RAP1A: variants seen among roughly 807,000 people sequenced by gnomAD.
The protein encoded by RAP1A is ras-related protein Rap-1A.
RAP1A carries 6 observed loss-of-function variants against 26.4 expected under a neutral mutation model. The ratio of observed to expected loss-of-function variants is 0.23; its 90% CI spans 0.12 to 0.45. RAP1A has a LOEUF of 0.45. RAP1A is among the 20% of genes least tolerant of loss of function. The pLI is 0.99. For missense variants in RAP1A, 121 were observed against 217.2 expected, an observed-to-expected ratio of 0.56 and a Z score of 2.78; for synonymous variants, 73 against 79.4, an observed-to-expected ratio of 0.92 and a Z score of 0.43.
At chr1:111,601,316 G>T (rs1343200767) in intron 1 of RAP1A, among the ~76,000 whole-genome samples, 1 of 152,154 alleles carries the variant, frequency 6.6e-6, no homozygotes. Context: ...ATACCAGAGA[G>T]TGGTAACCCA....
Position 111,703,469 on chromosome 1 carries a change from C to T in RAP1A, c.317C>T (p.Thr106Met), listed in dbSNP as rs747060981. The stretch of plus-strand genomic sequence containing the variant: ...GAACAGATTTTACGGGTTAAGGACA[C>T]GGAAGATGTAAGTATTTTTTCTCTC... ...LREQILRVKD[T>M]EDVPMILVGN... The change falls in exon 5 of 8, where the codon ACG becomes ATG. Residue 106 changes from threonine to methionine, a missense_variant. Thr to Met is a moderately conservative substitution (Grantham distance 81, BLOSUM62 -1). Coordinates refer to ENST00000369709, the MANE Select transcript of RAP1A (RefSeq NM_002884.4). The T allele has an allele frequency of 1.2e-4, 194 of 1,583,540 alleles. No homozygotes were observed. Among genetic ancestry groups the T allele is most frequent in the Middle Eastern group, 1.7e-4 (1 of 5,934 alleles).
At chr1:111,641,824 C>T (rs1659899781) in intron 1 of RAP1A, among the ~76,000 whole-genome samples, 1 of 152,046 alleles carries the variant, frequency 6.6e-6, no homozygotes, top group Non-Finnish European at 1.5e-5. Context: ...ACTGGTAAGG[C>T]AATATAGTAT....
In RAP1A at chr1:111,597,411, A is replaced by G. The variant is rs558596636; in HGVS notation, c.-28+54902A>G. Among the ~76,000 whole-genome samples the G allele has an allele frequency of 3.7e-4, 56 of 152,274 alleles. 1 individual carries two copies. The South Asian group carries it at 9.1e-3, about 25-fold the overall frequency. ...TTAAGCAATTAATATTGTGCCCAAGAAATAAAAAGCATGAACATTACAAGT... is the reference window on the plus strand; with the variant it reads ...TTAAGCAATTAATATTGTGCCCAAGGAATAAAAAGCATGAACATTACAAGT... On this transcript the variant is annotated intron_variant, in intron 1 of 7. Coordinates refer to the RAP1A transcript ENST00000356415.
chr1:111,583,570 G>A (rs1048995272), intron 1 of RAP1A, among the ~76,000 whole-genome samples: 1 of 151,836 alleles, frequency 6.6e-6, no homozygotes, highest in Admixed American at 6.6e-5. Flanking sequence ...CGCAGTCATA[G>A]TTTCACAATT....
intron 1 of RAP1A, among the ~76,000 whole-genome samples, chr1:111,621,555 T>C (rs1332678901): frequency 1.3e-5 from 2 of 152,224 alleles, no homozygotes; most frequent in Non-Finnish European, 2.9e-5. Flanking sequence ...GTTGAATGAA[T>C]TGAATGATTA....
chr1:111,542,280 C>T (rs1010228217), exon 1 of RAP1A: 10 of 587,808 alleles, frequency 1.7e-5, no homozygotes, highest in Admixed American at 3.9e-5. Flanking sequence ...AGGATCAGAC[C>T]TGCCGGTTCG....
intron 1 of RAP1A, among the ~76,000 whole-genome samples, chr1:111,592,702 G>A (rs1658491824): frequency 6.6e-6 from 1 of 152,134 alleles, no homozygotes; most frequent in African/African-American, 2.4e-5. Flanking sequence ...TTTAATCAAA[G>A]CACTGTTTCC....
At chr1:111,564,307 T>C (rs1571472612) in intron 1 of RAP1A, among the ~76,000 whole-genome samples, 1 of 152,284 alleles carries the variant, frequency 6.6e-6, no homozygotes, top group African/African-American at 2.4e-5. Flanking sequence ...ATTCCTGCTG[T>C]CAATAAATAT....
At chr1:111,560,179 A>G (rs939646139) in intron 1 of RAP1A, among the ~76,000 whole-genome samples, 3 of 152,326 alleles carry the variant, frequency 2.0e-5, no homozygotes, top group South Asian at 2.1e-4. Flanking sequence ...ATCTAAACAC[A>G]TGAGATCACA....
At chr1:111,551,786 TTAC>T (rs1361521515) in intron 1 of RAP1A, among the ~76,000 whole-genome samples, 1 of 149,636 alleles carries the variant, frequency 6.7e-6, no homozygotes, top group African/African-American at 2.4e-5. Flanking sequence ...GATGGAGTCT[TTAC>T]AGAGGGATTC....
At chr1:111,574,275 G>A (rs988272426) in intron 1 of RAP1A, among the ~76,000 whole-genome samples, 3 of 152,040 alleles carry the variant, frequency 2.0e-5, no homozygotes, top group Admixed American at 6.5e-5. Flanking sequence ...GTAGGTGTGC[G>A]GCCTTATTTC....
intron 1 of RAP1A, among the ~76,000 whole-genome samples, chr1:111,550,490 T>C (rs1184465516): frequency 6.6e-6 from 1 of 152,234 alleles, no homozygotes; most frequent in African/African-American, 2.4e-5. Context: ...CCTCTAAGCA[T>C]TCTTCCAACA....
intron 1 of RAP1A, among the ~76,000 whole-genome samples, chr1:111,683,359 C>CA (rs749962088): frequency 1.3e-5 from 2 of 151,820 alleles, no homozygotes; most frequent in South Asian, 2.1e-4. Flanking sequence ...AAAAAACCTT[C>CA]AAAAAATCAA....
At chr1:111,565,281 G>A (rs555397957) in intron 1 of RAP1A, among the ~76,000 whole-genome samples, 24 of 152,300 alleles carry the variant, frequency 1.6e-4, no homozygotes, top group African/African-American at 5.8e-4. Flanking sequence ...ATGCCTCATA[G>A]GCCCATAGAA....
chr1:111,668,896 G>T (rs1247235197), intron 1 of RAP1A, among the ~76,000 whole-genome samples: 1 of 151,910 alleles, frequency 6.6e-6, no homozygotes, highest in East Asian at 1.9e-4. Flanking sequence ...TGGGCATGGT[G>T]GTGTGTGCCT....
At chr1:111,698,301 G>T (rs1030269036) in intron 4 of RAP1A, among the ~76,000 whole-genome samples, 1 of 152,078 alleles carries the variant, frequency 6.6e-6, no homozygotes, top group Admixed American at 6.6e-5. Flanking sequence ...AAGAGACGAG[G>T]TCTTGCTCTG....
chr1:111,584,805 T>C (rs1026476860), intron 1 of RAP1A, among the ~76,000 whole-genome samples: 6 of 152,114 alleles, frequency 3.9e-5, no homozygotes, highest in Admixed American at 1.3e-4. Flanking sequence ...GCAGCTCTGA[T>C]AACTAAGGAA....
At chr1:111,668,929 T>G (rs771785427) in intron 1 of RAP1A, among the ~76,000 whole-genome samples, 3 of 145,246 alleles carry the variant, frequency 2.1e-5, no homozygotes, top group Non-Finnish European at 4.5e-5. Flanking sequence ...ACTTGGGAGG[T>G]TGAGGTATGA....
In RAP1A at chr1:111,572,374, G is replaced by A. The variant is rs781390439; in HGVS notation, c.-28+29865G>A. ...CTGAGATTAAGGAAAGATGCTTGGA[G>A]GTTTGCAACTCAGGATTCCTCAGCC... On this transcript the variant is annotated intron_variant, in intron 1 of 7. Coordinates refer to the RAP1A transcript ENST00000356415. Among the ~76,000 whole-genome samples the A allele has an allele frequency of 6.0e-4, 91 of 152,342 alleles. 1 individual carries two copies. The highest frequency in any genetic ancestry group is 1.2e-3 in the Non-Finnish European group (81 of 68,036).
Sources: gnomAD v4.1 joint callset for allele counts (sites outside exome capture counted in the v4.1 genomes callset) on GRCh38, gnomAD v4.1.1 for gene constraint, MANE v1.5 for transcripts, NCBI Gene and HGNC (gene_info 2026-07-23, HGNC 2026-07-21) for gene names.